Variants in CYP4F3 observed in about 807,000 individuals in gnomAD.
CYP4F3 encodes cytochrome P450 family 4 subfamily F member 3, also known as cytochrome P450 4F3.
In CYP4F3, 50 loss-of-function variants were observed where a neutral mutation model predicts 54.8. The observed-to-expected ratio is 0.91, with a 90% CI of 0.73 to 1.16. The LOEUF is 1.16. CYP4F3 is among the 50% of genes most tolerant of loss of function. The pLI is 0.00. For missense variants in CYP4F3, 715 were observed against 676.2 expected (o/e 1.06, Z -0.64); for synonymous variants, 244 against 262.6 (o/e 0.93, Z 0.69).
chr19:15,649,360 G>C lies in CYP4F3; in HGVS notation c.647+79G>C. On this transcript the variant is annotated intron_variant, in intron 6 of 12. Transcript: ENST00000221307. Reference sequence around the variant, plus strand: ...GTGGGGGGCTGGGGAGGACTGAGCAGGGAAATCAGACAAACCTTCTTGGAG... The same window carrying C: ...GTGGGGGGCTGGGGAGGACTGAGCACGGAAATCAGACAAACCTTCTTGGAG... The C allele has an allele frequency of 3.1e-6, 5 of 1,603,108 alleles. No individual in the cohort carries two copies. The South Asian group carries it at 4.4e-5, about 14-fold the overall frequency.
At chr19:15,641,252 C>G in intron 1 of CYP4F3, 163 bp from the exon 2 acceptor site, 1 of 866,728 alleles carries the variant, frequency 1.2e-6, no homozygotes. Context: ...TTTGGCTGGG[C>G]CTTTCTGGAC....
chr19:15,645,119 T>C (rs1169618991), intron 2 of CYP4F3, among the ~76,000 whole-genome samples: 2 of 152,210 alleles, frequency 1.3e-5, no homozygotes, highest in Non-Finnish European at 2.9e-5. Flanking sequence ...ACTTTTGCTT[T>C]CAAGACAGTC....
At chr19:15,646,343 T>C (rs1439635433) in intron 3 of CYP4F3, among the ~76,000 whole-genome samples, 1 of 152,102 alleles carries the variant, frequency 6.6e-6, no homozygotes, top group Non-Finnish European at 1.5e-5. Context: ...GGGGGTTGTG[T>C]GAGGTCTGGG....
At chr19:15,657,753 C>T (rs1203276572) in intron 9 of CYP4F3, among the ~76,000 whole-genome samples, 1 of 152,068 alleles carries the variant, frequency 6.6e-6, no homozygotes, top group African/African-American at 2.4e-5. Flanking sequence ...ATCTTTTGCA[C>T]GTGTTGATGT....
Position 15,649,165 on chromosome 19 carries a change from G to A in CYP4F3, c.531G>A (p.Lys177=). ...FNESVNIMHA[K]WQLLASEGSA... ...CTGTCCCCTTCTCTGGCTAGGCCAA[G>A]TGGCAGCTCCTGGCCTCAGAGGGTA... The change falls in exon 6 of 13, where the codon AAG becomes AAA. Residue 177 remains lysine (K), a synonymous_variant. Transcript: ENST00000221307. 1 of 1,613,416 alleles carries A rather than the reference G, an allele frequency of 6.2e-7. No individual in the cohort carries two copies. Among genetic ancestry groups the A allele is most frequent in the South Asian group, 1.1e-5 (1 of 91,070 alleles).
rs1972711405 is a variant in CYP4F3 at position 15,649,145 on chromosome 19, C to G, written c.526-15C>G. 2 of 1,612,950 alleles carry G rather than the reference C, an allele frequency of 1.2e-6. No homozygotes were observed. The highest frequency in any genetic ancestry group is 1.7e-4 in the Middle Eastern group (1 of 6,048). ...GCAAGGGACCTGCCCCAGCTCTGTCCCCTTCTCTGGCTAGGCCAAGTGGCA... is the reference window on the plus strand; with the variant it reads ...GCAAGGGACCTGCCCCAGCTCTGTCGCCTTCTCTGGCTAGGCCAAGTGGCA... On this transcript the variant is annotated splice_polypyrimidine_tract_variant and intron_variant, in intron 5 of 12. Transcript: ENST00000221307.
At chr19:15,644,742 C>G (rs1972574888) in intron 2 of CYP4F3, among the ~76,000 whole-genome samples, 1 of 152,214 alleles carries the variant, frequency 6.6e-6, no homozygotes, top group South Asian at 2.1e-4. Context: ...CAAAAGGAGA[C>G]TCCAGCCTAG....
intron 2 of CYP4F3, among the ~76,000 whole-genome samples, chr19:15,642,569 A>T (rs1025197394): frequency 3.3e-5 from 5 of 152,216 alleles, no homozygotes; most frequent in Non-Finnish European, 7.3e-5. Context: ...GGACCTCCTC[A>T]TATGCCCACC....
chr19:15,655,718 T>A (rs1384513088), intron 9 of CYP4F3, among the ~76,000 whole-genome samples: 1 of 152,242 alleles, frequency 6.6e-6, no homozygotes, highest in Non-Finnish European at 1.5e-5. Context: ...CTGCATATTA[T>A]CTCTGAGATC....
intron 11 of CYP4F3, 47 bp from the exon 12 acceptor site, chr19:15,658,680 C>T (rs1450326887): frequency 5.0e-6 from 8 of 1,610,738 alleles, no homozygotes; most frequent in Admixed American, 1.7e-5. Context: ...CCAAGGCTGG[C>T]GGACTGGGAG....
chr19:15,642,691 T>G (rs1230324612), intron 2 of CYP4F3, among the ~76,000 whole-genome samples: 1 of 152,208 alleles, frequency 6.6e-6, no homozygotes, highest in Admixed American at 6.5e-5. Context: ...CTCTTGGGAC[T>G]TGGGGGTGGC....
chr19:15,650,767 T>C (rs937599365), intron 7 of CYP4F3, among the ~76,000 whole-genome samples: 1 of 115,346 alleles, frequency 8.7e-6, no homozygotes, highest in Non-Finnish European at 1.9e-5. Flanking sequence ...CTTTCTTTCT[T>C]TTTCTTTCGT....
chr19:15,659,101 C>A (rs576549287), intron 12 of CYP4F3, 119 bp from the exon 13 acceptor site: 18 of 1,392,234 alleles, frequency 1.3e-5, no homozygotes, highest in Middle Eastern at 2.7e-4. Flanking sequence ...ACGGATACCC[C>A]CTTCTCTGTT....
At chr19:15,658,914 C>T in intron 12 of CYP4F3, 105 bp downstream of exon 12, 3 of 1,443,928 alleles carry the variant, frequency 2.1e-6, no homozygotes, top group Admixed American at 2.0e-5. Context: ...AGTTCCAGCT[C>T]TCCTTCCCTC....
chr19:15,648,957 G>T (rs1172676742), intron 5 of CYP4F3, among the ~76,000 whole-genome samples: 1 of 152,156 alleles, frequency 6.6e-6, no homozygotes, highest in Non-Finnish European at 1.5e-5. Context: ...CTTGAACCTA[G>T]GTCTCCTGAC....
In CYP4F3 at chr19:15,649,998, TTCCTGTATTATC is replaced by T. The variant is rs1972742584; in HGVS notation, c.736_747del (p.Leu246_Leu249del). The T allele has an allele frequency of 6.2e-7, 1 of 1,614,070 alleles. No individual in the cohort carries two copies. Among genetic ancestry groups the T allele is most frequent in the African/African-American group, 1.3e-5 (1 of 74,906 alleles). ...CCAGCAGATCCTCCTGTACATAGAC[TTCCTGTATTATC>T]TCACCCCTGATGGGCAGCGTTTCCG... is the stretch of plus-strand genomic sequence containing the variant. On this transcript the variant is annotated inframe_deletion, in exon 7 of 13. Transcript: ENST00000221307.
In CYP4F3 at chr19:15,650,098, T is replaced by C; in HGVS notation, c.833T>C (p.Leu278Pro). 1 of 1,614,136 alleles carries C rather than the reference T, an allele frequency of 6.2e-7. No individual in the cohort carries two copies. Among genetic ancestry groups the C allele is most frequent in the South Asian group, 1.1e-5 (1 of 91,082 alleles). Residue 278 changes from leucine (L) to proline (P), a missense_variant, in exon 7 of 13, where the codon CTC becomes CCC. Leu to Pro is a moderately conservative substitution (Grantham distance 98). Transcript: ENST00000221307. ...GTCATCCAGGAGCGGCGCCGCACCC[T>C]CCCTAGCCAGGGTGTTGATGACTTC... The part of the protein sequence containing the change: ...DAVIQERRRT[L>P]PSQGVDDFLQ...
At chr19:15,648,201 A>G (rs1216959827) in intron 5 of CYP4F3, among the ~76,000 whole-genome samples, 2 of 151,848 alleles carry the variant, frequency 1.3e-5, no homozygotes, top group Non-Finnish European at 2.9e-5. Context: ...AGAACAAGAA[A>G]CTCCTGGGTC....
rs1399502379 is a variant in CYP4F3 at position 15,660,529 on chromosome 19, G to A, written c.*1144G>A. 1.4e-5 allele frequency: 2 copies of A among 141,036 alleles called. No homozygotes were observed. The highest frequency in any genetic ancestry group is 3.1e-5 in the Non-Finnish European group (2 of 65,442). 8.7% of individuals were successfully genotyped at this position (141,036 alleles called of 1,614,324 possible). ...CATCCTCACACCAATTTTATGGACT[G>A]GACGTTAACTCTCTTGCTCAAGGTC... is the stretch of plus-strand genomic sequence containing the variant. On this transcript the variant is annotated 3_prime_UTR_variant, in exon 13 of 13. Transcript: ENST00000221307.
Sources: gnomAD v4.1 joint callset for allele counts (sites outside exome capture counted in the v4.1 genomes callset) on GRCh38, gnomAD v4.1.1 for gene constraint, MANE v1.5 for transcripts, NCBI Gene and HGNC (gene_info 2026-07-23, HGNC 2026-07-21) for gene names.